Variants in DCC observed in about 807,000 individuals in gnomAD.
DCC encodes DCC netrin 1 receptor.
DCC carries 58 observed loss-of-function variants against 172.5 expected under a neutral mutation model. The observed-to-expected ratio is 0.34, with a 90% confidence interval of 0.27 to 0.42. The LOEUF (loss-of-function observed/expected upper bound fraction) is 0.42, where lower values mean the gene tolerates loss of function less well. Ranked by LOEUF, DCC falls within the 10% of genes least tolerant of loss-of-function variation. The probability of loss-of-function intolerance (pLI) is 1.00; values close to 1 mark genes in which losing one functional copy is unlikely to be tolerated. For synonymous variants in DCC, 709 were observed against 644.5 expected (o/e 1.10, Z -1.52); for missense variants, 1,740 against 1,791.0 (o/e 0.97, Z 0.51).
At chr18:53,368,511 C>T (rs2058028997) in intron 15 of DCC, among the ~76,000 whole-genome samples, 1 of 152,070 alleles carries the variant, frequency 6.6e-6, no homozygotes, top group Admixed American at 6.6e-5. Context: ...TCCAAGAAAA[C>T]ATTGCCAAAT....
At chr18:52,817,220 A>T (rs1480355242) in intron 2 of DCC, among the ~76,000 whole-genome samples, 19 of 152,168 alleles carry the variant, frequency 1.2e-4, no homozygotes, top group Admixed American at 1.2e-3. Context: ...TTACTATTCC[A>T]TTGATCAGGC....
chr18:53,302,132 C>T (rs1057160370), intron 12 of DCC, among the ~76,000 whole-genome samples: 1 of 152,044 alleles, frequency 6.6e-6, no homozygotes, highest in African/African-American at 2.4e-5. Context: ...ATATTTAAGA[C>T]CTACCCTCGT....
intron 27 of DCC, among the ~76,000 whole-genome samples, chr18:53,509,997 T>C (rs1433131340): frequency 6.6e-6 from 1 of 152,222 alleles, no homozygotes. Context: ...AATTAGTATT[T>C]ATAAATTTGT....
chr18:52,857,103 C>T, intron 2 of DCC, among the ~76,000 whole-genome samples: 1 of 142,596 alleles, frequency 7.0e-6, no homozygotes, highest in Admixed American at 7.4e-5. Flanking sequence ...GTTTACTTTT[C>T]CATTTTGGAA....
intron 9 of DCC, among the ~76,000 whole-genome samples, chr18:53,203,085 G>T: frequency 6.6e-6 from 1 of 152,048 alleles, no homozygotes. Flanking sequence ...TAAATTCACT[G>T]AAGTTGAGAA....
chr18:53,343,322 A>C (rs1478677877), intron 15 of DCC, among the ~76,000 whole-genome samples: 1 of 152,002 alleles, frequency 6.6e-6, no homozygotes, highest in Admixed American at 6.6e-5. Flanking sequence ...CTTTTGTGAG[A>C]TTAAAGAAAT....
chr18:53,426,734 A>G (rs183103548), intron 21 of DCC, among the ~76,000 whole-genome samples: 221 of 152,242 alleles, frequency 1.5e-3, no homozygotes, highest in African/African-American at 5.0e-3. Flanking sequence ...AAACTTCTGC[A>G]ATAGTCATTT....
intron 1 of DCC, among the ~76,000 whole-genome samples, chr18:52,355,436 G>A (rs969269440): frequency 6.6e-6 from 1 of 152,182 alleles, no homozygotes; most frequent in Non-Finnish European, 1.5e-5. Flanking sequence ...AGATGTAGCT[G>A]TGTGACCCTC....
intron 4 of DCC, among the ~76,000 whole-genome samples, 179 bp from the exon 5 acceptor site, chr18:52,925,055 G>A (rs1405111527): frequency 1.3e-5 from 2 of 151,874 alleles, no homozygotes; most frequent in Admixed American, 6.6e-5. Flanking sequence ...TCCAATGGGA[G>A]TAGTTTACCT....
At chr18:52,458,101 C>T (rs942831491) in intron 1 of DCC, among the ~76,000 whole-genome samples, 1 of 152,204 alleles carries the variant, frequency 6.6e-6, no homozygotes, top group Non-Finnish European at 1.5e-5. Flanking sequence ...AAGCCTATCT[C>T]TGATGTCCTT....
At chr18:52,689,731 A>T (rs534156459) in intron 1 of DCC, among the ~76,000 whole-genome samples, 5 of 152,274 alleles carry the variant, frequency 3.3e-5, no homozygotes, top group Admixed American at 3.3e-4. Flanking sequence ...ATAGTTGTTA[A>T]TATTACTGGT....
chr18:52,421,646 T>C (rs1987253091), intron 1 of DCC, among the ~76,000 whole-genome samples: 1 of 152,202 alleles, frequency 6.6e-6, no homozygotes, highest in African/African-American at 2.4e-5. Flanking sequence ...TCTTGGCACT[T>C]GAGCCTTCAC....
chr18:52,755,473 G>C lies in DCC; in HGVS notation c.412+3099G>C, dbSNP rs117524434. Among the ~76,000 whole-genome samples the C allele has an allele frequency of 6.6e-3, 1,012 of 152,304 alleles. 6 individuals carry two copies. The highest frequency in any genetic ancestry group is 0.011 in the Non-Finnish European group (716 of 68,028). The stretch of plus-strand genomic sequence containing the variant: ...GTCACTGAGTTAAAATCTCATATTA[G>C]ATTGTATCATTTCAAGGCAATAAGG... On this transcript the variant is annotated intron_variant, in intron 2 of 28. Coordinates refer to ENST00000442544, the MANE Select transcript of DCC (RefSeq NM_005215.4).
intron 14 of DCC, among the ~76,000 whole-genome samples, chr18:53,335,292 G>A (rs989270655): frequency 1.3e-5 from 2 of 152,146 alleles, no homozygotes; most frequent in East Asian, 1.9e-4. Flanking sequence ...TGTCCCATCA[G>A]CATAGCACTT....
chr18:53,202,818 T>A (rs2055561184), intron 9 of DCC, among the ~76,000 whole-genome samples: 1 of 152,092 alleles, frequency 6.6e-6, no homozygotes. Flanking sequence ...ATAACCTAAG[T>A]CTAACATGAG....
chr18:52,904,913 T>G (rs2039858273), intron 2 of DCC, among the ~76,000 whole-genome samples: 1 of 152,224 alleles, frequency 6.6e-6, no homozygotes, highest in Admixed American at 6.5e-5. Context: ...CAGTGGTCTT[T>G]CATTGATGGC....
intron 1 of DCC, among the ~76,000 whole-genome samples, chr18:52,663,416 T>A (rs2035401004): frequency 6.6e-6 from 1 of 152,036 alleles, no homozygotes; most frequent in Admixed American, 6.5e-5. Flanking sequence ...GAGTTTCGAG[T>A]GGACTAGTAG....
At chr18:52,646,139 G>A (rs1375802188) in intron 1 of DCC, among the ~76,000 whole-genome samples, 1 of 152,162 alleles carries the variant, frequency 6.6e-6, no homozygotes, top group African/African-American at 2.4e-5. Context: ...TGATCTCTCT[G>A]AGTCTCAGTT....
In DCC at chr18:53,048,245, AT is replaced by A. The variant is rs199612587; in HGVS notation, c.986-15049del. On this transcript the variant is annotated intron_variant, in intron 5 of 28. Coordinates refer to ENST00000442544, the MANE Select transcript of DCC (RefSeq NM_005215.4). ...GTTATAAGGACAGTACCCAATAGGTATTTTTTTTTTTCTGATCTTCTCCCTT... is the reference window on the plus strand; with the variant it reads ...GTTATAAGGACAGTACCCAATAGGTATTTTTTTTTTCTGATCTTCTCCCTT... Among the ~76,000 whole-genome samples, 249 of 147,418 alleles carry A rather than the reference AT, an allele frequency of 1.7e-3. 1 individual carries two copies. The highest frequency in any genetic ancestry group is 0.011 in the South Asian group (50 of 4,610).
Sources: gnomAD v4.1 joint callset for allele counts (sites outside exome capture counted in the v4.1 genomes callset) on GRCh38, gnomAD v4.1.1 for gene constraint, MANE v1.5 for transcripts, NCBI Gene and HGNC (gene_info 2026-07-23, HGNC 2026-07-21) for gene names.